SGCE: variants seen among roughly 807,000 people sequenced by gnomAD.
The protein encoded by SGCE is epsilon-sarcoglycan.
Under a neutral mutation model 57.8 loss-of-function variants are expected in SGCE, and 26 were observed. That is an observed-to-expected ratio of 0.45 (90% confidence interval 0.33 to 0.62). The LOEUF (loss-of-function observed/expected upper bound fraction) is 0.62. Ranked by LOEUF, SGCE falls within the 20% of genes least tolerant of loss-of-function variation. SGCE has a pLI of 0.02. For missense variants in SGCE, 468 were observed against 548.6 expected, an observed-to-expected ratio of 0.85 and a Z score of 1.47; for synonymous variants, 183 against 189.5, an observed-to-expected ratio of 0.97 and a Z score of 0.28.
intron 3 of SGCE, chr7:94,628,000 T>C (rs531379236): frequency 6.5e-5 from 34 of 526,896 alleles, no homozygotes; most frequent in Middle Eastern, 5.1e-4. Context: ...ATTTTTAATA[T>C]AAAAGCTGAA....
chr7:94,635,368 T>C (rs1385479950), intron 1 of SGCE, among the ~76,000 whole-genome samples: 1 of 152,126 alleles, frequency 6.6e-6, no homozygotes, highest in Non-Finnish European at 1.5e-5. Flanking sequence ...ACAAAGAGAG[T>C]ACTAAACAGC....
At chr7:94,604,859 A>ATATATATATATAT (rs1799863944) in intron 5 of SGCE, among the ~76,000 whole-genome samples, 6 of 109,598 alleles carry the variant, frequency 5.5e-5, no homozygotes, top group Non-Finnish European at 5.6e-5. Context: ...ATATATATAT[A>ATATATATATATAT]ATAGTTGTTA....
intron 4 of SGCE, chr7:94,620,730 C>T (rs368122082): frequency 6.6e-6 from 1 of 152,178 alleles, no homozygotes; most frequent in African/African-American, 2.4e-5. Flanking sequence ...TATTATCTGG[C>T]TTTTCCTGTT....
chr7:94,585,068 C>G lies in SGCE; in HGVS notation c.*431G>C, dbSNP rs1214958259. On this transcript the variant is annotated 3_prime_UTR_variant, in exon 11 of 11. Transcript: ENST00000648936. Reference sequence around the variant, plus strand: ...GTTAAAGTATTATTTAAATGGGTTGCTCAACTGGAACACGGAGGCACAGGC... The same window carrying G: ...GTTAAAGTATTATTTAAATGGGTTGGTCAACTGGAACACGGAGGCACAGGC... 6.2e-6 allele frequency: 1 copy of G among 160,726 alleles called. No individual in the cohort carries two copies. The highest frequency in any genetic ancestry group is 6.2e-5 in the Admixed American group (1 of 16,248). The allele number at this position is 160,726 out of a possible 1,614,324, so 10.0% of individuals were successfully genotyped here.
intron 4 of SGCE, chr7:94,619,355 C>T (rs2116885921): frequency 6.0e-6 from 1 of 165,690 alleles, no homozygotes; most frequent in South Asian, 1.6e-4. Context: ...AAAACCAGAA[C>T]AATTCCACAG....
At chr7:94,616,074 G>A (rs1269752931) in intron 5 of SGCE, among the ~76,000 whole-genome samples, 2 of 152,158 alleles carry the variant, frequency 1.3e-5, no homozygotes, top group Admixed American at 6.6e-5. Flanking sequence ...TTTAGGAGAA[G>A]TTTGAAAGCT....
intron 1 of SGCE, among the ~76,000 whole-genome samples, chr7:94,634,957 T>C (rs1420015555): frequency 6.6e-6 from 1 of 152,208 alleles, no homozygotes. Flanking sequence ...ACATATTCGA[T>C]ATGTGGGAAA....
chr7:94,632,322 G>T (rs1355826577), intron 1 of SGCE, among the ~76,000 whole-genome samples: 1 of 152,008 alleles, frequency 6.6e-6, no homozygotes, highest in Non-Finnish European at 1.5e-5. Context: ...CTCACTTCAA[G>T]AACTTGCATA....
chr7:94,625,394 ATT>A lies in SGCE; in HGVS notation c.391-1999_391-1998del, dbSNP rs1803541469. ...ATCTTTTTACTATATTTTTATACAT[ATT>A]CATAACACAGTATGTTAGTCATAAA... is the stretch of plus-strand genomic sequence containing the variant. On this transcript the variant is annotated intron_variant, in intron 3 of 10. Transcript: ENST00000648936. The A allele has an allele frequency of 2.6e-5, 4 of 152,094 alleles. No individual in the cohort carries two copies. The South Asian group carries it at 8.3e-4, about 32-fold the overall frequency. The allele number at this position is 152,094 out of a possible 1,614,324, so 9.4% of individuals were successfully genotyped here.
At chr7:94,653,826 G>A (rs1056987923) in intron 1 of SGCE, among the ~76,000 whole-genome samples, 2 of 151,768 alleles carry the variant, frequency 1.3e-5, no homozygotes, top group Admixed American at 1.3e-4. Flanking sequence ...CAGTTTTCTG[G>A]TTTTAAATAT....
At chr7:94,625,953 C>T (rs1265582182) in intron 3 of SGCE, 2 of 152,074 alleles carry the variant, frequency 1.3e-5, no homozygotes, top group East Asian at 3.9e-4. Context: ...GGATACTCAA[C>T]TGTATGAGAT....
intron 5 of SGCE, among the ~76,000 whole-genome samples, chr7:94,613,571 C>G (rs1462783961): frequency 1.3e-5 from 2 of 151,956 alleles, no homozygotes; most frequent in African/African-American, 4.8e-5. Flanking sequence ...TTTTTTATCC[C>G]AACAATTCAA....
chr7:94,593,019 C>G (rs1165710830), intron 9 of SGCE, among the ~76,000 whole-genome samples: 1 of 151,964 alleles, frequency 6.6e-6, no homozygotes, highest in Non-Finnish European at 1.5e-5. Flanking sequence ...AATCTTAGTC[C>G]CCTGAAACAC....
intron 1 of SGCE, among the ~76,000 whole-genome samples, chr7:94,633,318 A>C (rs879923607): frequency 6.6e-6 from 1 of 152,124 alleles, no homozygotes; most frequent in Non-Finnish European, 1.5e-5. Flanking sequence ...AAGCATAGCT[A>C]GATTTACAAA....
chr7:94,637,234 C>T (rs1805716714), intron 1 of SGCE, among the ~76,000 whole-genome samples: 2 of 152,012 alleles, frequency 1.3e-5, no homozygotes, highest in African/African-American at 2.4e-5. Context: ...AATGGCCTTG[C>T]CATACAAGTT....
chr7:94,639,279 T>A (rs1806045035), intron 1 of SGCE: 1 of 1,012,858 alleles, frequency 9.9e-7, no homozygotes, highest in South Asian at 1.4e-5. Context: ...GGGAAGAGAC[T>A]ATTGGAAGCA....
chr7:94,585,283 T>A lies in SGCE; in HGVS notation c.*216A>T. On this transcript the variant is annotated 3_prime_UTR_variant, in exon 11 of 11. Transcript: ENST00000648936. Reference sequence around the variant, plus strand: ...AACTTTTATTGTAACAAATATAAAGTCATCAATGTTTTACAAATTGTCAAA... The same window carrying A: ...AACTTTTATTGTAACAAATATAAAGACATCAATGTTTTACAAATTGTCAAA... 2.0e-6 allele frequency: 1 copy of A among 490,448 alleles called. No homozygotes were observed. Among genetic ancestry groups the A allele is most frequent in the South Asian group, 4.2e-5 (1 of 24,084 alleles). The allele number at this position is 490,448 out of a possible 1,614,324, so 30.4% of individuals were successfully genotyped here.
rs1326425489 is a variant in SGCE at position 94,632,300 on chromosome 7, A to T, written c.110-2459T>A. On this transcript the variant is annotated intron_variant, in intron 1 of 10. Transcript: ENST00000648936. ...AACCATTAAAGAAAGGGTACCTGCC[A>T]CTCCATATCATCTCACTTCAAGAAC... 2.6e-5 allele frequency among the ~76,000 whole-genome samples: 4 copies of T among 151,956 alleles called. No homozygotes were observed. In the East Asian group the frequency reaches 7.7e-4, roughly 29 times the overall value.
intron 5 of SGCE, among the ~76,000 whole-genome samples, chr7:94,612,463 G>C (rs539597333): frequency 7.2e-5 from 11 of 152,116 alleles, no homozygotes; most frequent in African/African-American, 2.7e-4. Flanking sequence ...TGCATCATAA[G>C]CATATTCCAC....
Sources: allele counts gnomAD v4.1 joint callset (sites outside exome capture counted in the v4.1 genomes callset), GRCh38; gene constraint gnomAD v4.1.1; transcripts MANE v1.5; gene names NCBI Gene and HGNC (gene_info 2026-07-23, HGNC 2026-07-21).